DIP2C: variants seen among roughly 807,000 people sequenced by gnomAD.
DIP2C encodes disco-interacting protein 2 homolog C.
DIP2C carries 33 observed loss-of-function variants against 192.4 expected under a neutral mutation model. The observed-to-expected ratio is 0.17, with a 90% CI of 0.13 to 0.23. The LOEUF (loss-of-function observed/expected upper bound fraction) is 0.23. Ranked by LOEUF, DIP2C falls within the 10% of genes least tolerant of loss-of-function variation. The pLI is 1.00. For missense variants in DIP2C, 1,537 were observed against 2,110.1 expected (o/e 0.73, Z 5.32); for synonymous variants, 979 against 864.1 (o/e 1.13, Z -2.33).
Position 651,026 on chromosome 10 carries a change from T to C in DIP2C, c.85+38468A>G. ...CAGGGCTCAGGCCCCAGCCCCCGTT[T>C]CTGCAGAAGCCCCTTTCCATCCTAG... On this transcript the variant is annotated intron_variant, in intron 1 of 36. Coordinates refer to ENST00000280886, the MANE Select transcript of DIP2C (RefSeq NM_014974.3). This position sits in a 1 kb window ranked among gnomAD's most constrained non-coding sequence, Gnocchi z 4.1. The C allele has an allele frequency of 1.4e-6, 1 of 717,298 alleles. No homozygotes were observed. The highest frequency in any genetic ancestry group is 2.6e-6 in the Non-Finnish European group (1 of 385,056). 44.4% of individuals were successfully genotyped at this position (717,298 alleles called of 1,614,324 possible). A position where few individuals can be genotyped will look rare whatever the true frequency, so the allele number is the denominator to read the frequency against.
chr10:311,426 C>A (rs1249651819), intron 31 of DIP2C: 7 of 984,880 alleles, frequency 7.1e-6, no homozygotes, highest in East Asian at 6.5e-5. Flanking sequence ...GGCCTGCAGA[C>A]CCCCGGCCAA....
intron 1 of DIP2C, among the ~76,000 whole-genome samples, chr10:549,195 T>C (rs1848464144): frequency 6.6e-6 from 1 of 152,212 alleles, no homozygotes; most frequent in Non-Finnish European, 1.5e-5. Context: ...CTAAGTGCGA[T>C]AAAGTTACTT....
chr10:569,303 GAA>G (rs1849639771), intron 1 of DIP2C, among the ~76,000 whole-genome samples: 1 of 152,290 alleles, frequency 6.6e-6, no homozygotes, highest in South Asian at 2.1e-4. Flanking sequence ...AGCATGCCAG[GAA>G]AAGTCACACT....
At chr10:510,278 T>C (rs563704008) in intron 1 of DIP2C, among the ~76,000 whole-genome samples, 2 of 152,284 alleles carry the variant, frequency 1.3e-5, no homozygotes, top group Non-Finnish European at 2.9e-5. Flanking sequence ...AACTAAATGA[T>C]AAAACCAGAC....
intron 36 of DIP2C, among the ~76,000 whole-genome samples, chr10:280,972 G>A (rs371334064): frequency 2.2e-4 from 33 of 152,258 alleles, no homozygotes; most frequent in Non-Finnish European, 3.4e-4. Context: ...TAGTTTTCAC[G>A]GCAATAGAAG....
chr10:304,593 G>A (rs1416257812), intron 32 of DIP2C, among the ~76,000 whole-genome samples: 2 of 152,072 alleles, frequency 1.3e-5, no homozygotes, highest in Non-Finnish European at 2.9e-5. Context: ...ATATGCATGT[G>A]TGTATACTTG....
chr10:296,601 C>A (rs531629767), intron 32 of DIP2C, among the ~76,000 whole-genome samples: 2 of 151,992 alleles, frequency 1.3e-5, no homozygotes, highest in Admixed American at 1.3e-4. Context: ...ATGTTCATTG[C>A]GGCACTATTC....
chr10:606,065 C>A (rs914468681), intron 1 of DIP2C, among the ~76,000 whole-genome samples: 18 of 152,248 alleles, frequency 1.2e-4, no homozygotes, highest in Non-Finnish European at 1.5e-4. Flanking sequence ...GCGAGAACCC[C>A]CGGAGCCTGC....
intron 1 of DIP2C, among the ~76,000 whole-genome samples, chr10:533,726 C>CA (rs1847544511): frequency 6.6e-6 from 1 of 151,664 alleles, no homozygotes; most frequent in African/African-American, 2.4e-5. Flanking sequence ...GAACAGAACT[C>CA]AAAGTCACCC....
intron 31 of DIP2C, among the ~76,000 whole-genome samples, chr10:318,488 G>A (rs1391981845): frequency 1.3e-5 from 2 of 152,218 alleles, no homozygotes; most frequent in Non-Finnish European, 2.9e-5. Flanking sequence ...TCAAGGTGTG[G>A]TGTCCTCACA....
intron 1 of DIP2C, among the ~76,000 whole-genome samples, chr10:603,135 G>C (rs776012151): frequency 2.6e-5 from 4 of 151,766 alleles, no homozygotes; most frequent in Non-Finnish European, 4.4e-5. Context: ...TGTTAATAAA[G>C]TCTGCAGAGT....
intron 1 of DIP2C, among the ~76,000 whole-genome samples, chr10:676,834 T>C (rs1273778921): frequency 2.0e-5 from 3 of 152,010 alleles, no homozygotes; most frequent in Non-Finnish European, 4.4e-5. Context: ...GATACAAAAT[T>C]ACATCTAGAT....
chr10:650,733 C>T (rs117202400), intron 1 of DIP2C: 9 of 637,558 alleles, frequency 1.4e-5, no homozygotes, highest in South Asian at 7.4e-5. Context: ...GCCGACCCCC[C>T]CTCATGCTCA....
At chr10:307,040 A>G (rs1956356673) in intron 32 of DIP2C, among the ~76,000 whole-genome samples, 1 of 152,074 alleles carries the variant, frequency 6.6e-6, no homozygotes, top group African/African-American at 2.4e-5. Context: ...GTGGCTAAAA[A>G]CAGTCTGTCC....
intron 19 of DIP2C, among the ~76,000 whole-genome samples, chr10:365,821 G>A (rs1226513276): frequency 4.6e-5 from 7 of 152,302 alleles, no homozygotes; most frequent in Admixed American, 3.9e-4. Context: ...AGTTCTCACA[G>A]GTTCATACCT....
intron 31 of DIP2C, among the ~76,000 whole-genome samples, chr10:325,919 C>A: frequency 6.6e-6 from 1 of 152,228 alleles, no homozygotes; most frequent in East Asian, 1.9e-4. Flanking sequence ...CAGTGGCTCA[C>A]GTCTGTAATC....
At chr10:520,422 AAAGT>A (rs954068734) in intron 1 of DIP2C, among the ~76,000 whole-genome samples, 1 of 152,282 alleles carries the variant, frequency 6.6e-6, no homozygotes, top group African/African-American at 2.4e-5. Flanking sequence ...AAATAAATTT[AAAGT>A]AATTTCTGCA....
rs1292369144 is a variant in DIP2C, at chr10:362,500, C to T, written c.2784G>A (p.Gln928=). 3 of 1,613,618 alleles carry T rather than the reference C, an allele frequency of 1.9e-6. No homozygotes were observed. The highest frequency in any genetic ancestry group is 2.5e-6 in the Non-Finnish European group (3 of 1,179,858). ...TCVTNLPKPR[Q]KQPEIGPASV... The stretch of plus-strand genomic sequence containing the variant: ...AAGTGGTGCACATACCTGGCTGCTT[C>T]TGTCGAGGCTTAGGCAAGTTTGTGA... The change falls in exon 22 of 37, where the codon CAG becomes CAA. Residue 928 remains glutamine (Q), a synonymous_variant. Coordinates refer to ENST00000280886, the MANE Select transcript of DIP2C (RefSeq NM_014974.3).
At chr10:413,422 G>A (rs1965311211) in intron 8 of DIP2C, among the ~76,000 whole-genome samples, 1 of 152,176 alleles carries the variant, frequency 6.6e-6, no homozygotes, top group African/African-American at 2.4e-5. Context: ...TTTGCTGAAA[G>A]CATGCATTTC....
Sources: gnomAD v4.1 joint callset for allele counts (sites outside exome capture counted in the v4.1 genomes callset) on GRCh38, gnomAD v4.1.1 for gene constraint, Gnocchi (gnomAD v3.1) non-coding constraint, MANE v1.5 for transcripts, NCBI Gene and HGNC (gene_info 2026-07-23, HGNC 2026-07-21) for gene names.